ASXL3: variants seen among roughly 807,000 people sequenced by gnomAD.
ASXL3 encodes ASXL transcriptional regulator 3, also known as putative Polycomb group protein ASXL3.
A neutral mutation model predicts 170.6 loss-of-function variants in ASXL3; 34 were observed. The observed-to-expected ratio is 0.20, with a 90% CI of 0.15 to 0.27. ASXL3 has a LOEUF of 0.27. ASXL3 is among the 10% of genes least tolerant of loss of function. ASXL3 has a pLI of 1.00. For synonymous variants in ASXL3, 1,002 were observed against 989.1 expected (o/e 1.01, Z -0.24); for missense variants, 2,592 against 2,695.3 (o/e 0.96, Z 0.85).
At chr18:33,695,054 G>A (rs1045149375) in intron 8 of ASXL3, among the ~76,000 whole-genome samples, 13 of 152,080 alleles carry the variant, frequency 8.5e-5, no homozygotes, top group African/African-American at 2.9e-4. Flanking sequence ...ATACATTTTC[G>A]ATAACTCAGG....
At chr18:33,579,621 C>A (rs2064976466) in intron 1 of ASXL3, among the ~76,000 whole-genome samples, 1 of 151,860 alleles carries the variant, frequency 6.6e-6, no homozygotes, top group South Asian at 2.1e-4. Context: ...TTTCTTTTTT[C>A]TTCCTATCTT....
intron 8 of ASXL3, among the ~76,000 whole-genome samples, chr18:33,692,201 A>AT (rs1475656187): frequency 1.3e-5 from 2 of 152,220 alleles, no homozygotes; most frequent in African/African-American, 4.8e-5. Flanking sequence ...TTAGAACAGC[A>AT]TTTTTTAAAA....
intron 10 of ASXL3, among the ~76,000 whole-genome samples, 185 bp from the exon 11 acceptor site, chr18:33,738,302 T>C (rs1296534306): frequency 6.6e-6 from 1 of 152,184 alleles, no homozygotes; most frequent in East Asian, 1.9e-4. Context: ...GAGTATTAGT[T>C]GAGATTATAA....
At chr18:33,736,283 T>C (rs1255029660) in intron 10 of ASXL3, among the ~76,000 whole-genome samples, 2 of 152,116 alleles carry the variant, frequency 1.3e-5, no homozygotes, top group Non-Finnish European at 2.9e-5. Context: ...ATATTATAAA[T>C]AAACATGACC....
intron 2 of ASXL3, 43 bp downstream of exon 2, chr18:33,607,719 A>G (rs760372330): frequency 7.0e-7 from 1 of 1,438,046 alleles, no homozygotes; most frequent in Non-Finnish European, 9.5e-7. Context: ...TCATTAAATA[A>G]TAATTGCCAC....
chr18:33,597,228 A>T (rs1020475694), intron 1 of ASXL3, among the ~76,000 whole-genome samples: 1 of 152,114 alleles, frequency 6.6e-6, no homozygotes, highest in African/African-American at 2.4e-5. Context: ...ATTAACGCTA[A>T]TATTTTTATA....
chr18:33,713,348 C>CCCT (rs531542023), intron 8 of ASXL3, among the ~76,000 whole-genome samples: 2 of 143,810 alleles, frequency 1.4e-5, no homozygotes, highest in Non-Finnish European at 3.0e-5. Flanking sequence ...TCCACCCCCC[C>CCCT]CCGGGTTCAA....
rs919661486 is a variant in ASXL3 at position 33,693,199 on chromosome 18, C to A, written c.879+9631C>A. Among the ~76,000 whole-genome samples the A allele has an allele frequency of 3.9e-5, 6 of 152,206 alleles. 1 individual carries two copies. In the South Asian group the frequency reaches 8.3e-4, roughly 21 times the overall value. On this transcript the variant is annotated intron_variant, in intron 8 of 11. Transcript: ENST00000269197. ...TTAGGGGAGAAGGAGGTGCTGAATA[C>A]ATGTTTTTGGTATTATGTTTATTGT... is the stretch of plus-strand genomic sequence containing the variant.
intron 8 of ASXL3, among the ~76,000 whole-genome samples, chr18:33,721,822 G>A (rs2067265416): frequency 6.6e-6 from 1 of 151,950 alleles, no homozygotes; most frequent in Non-Finnish European, 1.5e-5. Flanking sequence ...GAAAGTTGGA[G>A]GCAACCCTGC....
intron 1 of ASXL3, among the ~76,000 whole-genome samples, chr18:33,590,052 A>G (rs776362607): frequency 4.0e-5 from 6 of 151,014 alleles, no homozygotes; most frequent in Non-Finnish European, 7.4e-5. Flanking sequence ...CCAGGAATGA[A>G]CTTCAGTTCT....
At chr18:33,657,218 G>T (rs535901567) in intron 4 of ASXL3, among the ~76,000 whole-genome samples, 1 of 152,230 alleles carries the variant, frequency 6.6e-6, no homozygotes, top group East Asian at 1.9e-4. Context: ...GAGTTTGCCA[G>T]GCAGAGTGCT....
At chr18:33,734,215 C>T in intron 9 of ASXL3, 95 bp from the exon 10 acceptor site, 2 of 717,696 alleles carry the variant, frequency 2.8e-6, no homozygotes, top group Non-Finnish European at 4.4e-6. Flanking sequence ...TTTTCAAGAT[C>T]CATAAAAGTT....
At chr18:33,695,096 A>C (rs1269879969) in intron 8 of ASXL3, among the ~76,000 whole-genome samples, 1 of 152,194 alleles carries the variant, frequency 6.6e-6, no homozygotes, top group Admixed American at 6.6e-5. Flanking sequence ...TGTACTGAAT[A>C]TATTGATTTA....
At chr18:33,723,740 C>T (rs1223162269) in intron 8 of ASXL3, among the ~76,000 whole-genome samples, 2 of 152,144 alleles carry the variant, frequency 1.3e-5, no homozygotes, top group African/African-American at 4.8e-5. Context: ...TGCTATCAAA[C>T]AGCATCACAT....
chr18:33,652,984 G>A (rs752959916), intron 4 of ASXL3, among the ~76,000 whole-genome samples: 15 of 152,082 alleles, frequency 9.9e-5, no homozygotes, highest in Non-Finnish European at 1.8e-4. Flanking sequence ...TAGTCACACT[G>A]ACAGCTCATG....
At chr18:33,594,907 A>G (rs1440914697) in intron 1 of ASXL3, among the ~76,000 whole-genome samples, 2 of 152,224 alleles carry the variant, frequency 1.3e-5, no homozygotes, top group South Asian at 2.1e-4. Context: ...AGATATTTTA[A>G]TTACATCATA....
At chr18:33,578,856 G>T (rs1385151606) in intron 1 of ASXL3, 171 bp downstream of exon 1, 5 of 290,724 alleles carry the variant, frequency 1.7e-5, no homozygotes, top group Non-Finnish European at 2.8e-5. Context: ...GCCCCTGTGT[G>T]TGTGCGTGCG....
intron 8 of ASXL3, among the ~76,000 whole-genome samples, chr18:33,695,375 A>G (rs1422760412): frequency 6.6e-6 from 1 of 152,134 alleles, no homozygotes; most frequent in Admixed American, 6.6e-5. Flanking sequence ...AGTAAATCAT[A>G]CATAGCCAGA....
chr18:33,656,866 CCT>C (rs781291945), intron 4 of ASXL3, among the ~76,000 whole-genome samples: 1 of 152,054 alleles, frequency 6.6e-6, no homozygotes, highest in Non-Finnish European at 1.5e-5. Flanking sequence ...GCTTTGCTGA[CCT>C]CCACTTTCAT....
Sources: allele counts gnomAD v4.1 joint callset (sites outside exome capture counted in the v4.1 genomes callset), GRCh38; gene constraint gnomAD v4.1.1; transcripts MANE v1.5; gene names NCBI Gene and HGNC (gene_info 2026-07-23, HGNC 2026-07-21).